The following ENTREP2 variants were observed in gnomAD, a reference collection of about 807,000 sequenced individuals.
The protein encoded by ENTREP2 is protein ENTREP2.
At chr15:29,217,797 T>C in the ENTREP2 span, among the ~76,000 whole-genome samples, 11 of 152,298 alleles carry the variant, frequency 7.2e-5, no homozygotes, top group African/African-American at 2.6e-4. Flanking sequence ...GTTGGTAAAC[T>C]AGTGTGATTT....
the ENTREP2 span, among the ~76,000 whole-genome samples, chr15:29,175,297 A>G: frequency 6.6e-6 from 1 of 152,234 alleles, no homozygotes; most frequent in Admixed American, 6.5e-5. Context: ...TTGTAAGGGT[A>G]AGATTAGTTT....
the ENTREP2 span, among the ~76,000 whole-genome samples, chr15:29,171,729 GC>G: frequency 3.3e-5 from 5 of 152,130 alleles, no homozygotes; most frequent in Admixed American, 2.6e-4. Context: ...TGATCCACGA[GC>G]TGTTTTCCTG....
At chr15:29,416,764 T>G in the ENTREP2 span, among the ~76,000 whole-genome samples, 1 of 152,164 alleles carries the variant, frequency 6.6e-6, no homozygotes, top group South Asian at 2.1e-4. Flanking sequence ...AAAGGGCTCA[T>G]ATCCAGAATC....
chr15:29,542,870 CAA>C, the ENTREP2 span, among the ~76,000 whole-genome samples: 1 of 152,200 alleles, frequency 6.6e-6, no homozygotes, highest in Admixed American at 6.5e-5. Context: ...ATAATATCTT[CAA>C]AGTCTATCCA....
the ENTREP2 span, among the ~76,000 whole-genome samples, chr15:29,329,089 G>A: frequency 2.8e-4 from 42 of 152,218 alleles, no homozygotes; most frequent in South Asian, 8.3e-4. Context: ...TAGGCTGGGC[G>A]CAGTGGCTCA....
At chr15:29,509,443 A>G in the ENTREP2 span, among the ~76,000 whole-genome samples, 4,976 of 152,298 alleles carry the variant, frequency 0.033, 260 homozygotes, top group African/African-American at 0.11. Context: ...CTGTATAGCC[A>G]AGACTATCCC....
chr15:29,649,727 CA>C, the ENTREP2 span, among the ~76,000 whole-genome samples: 2,612 of 66,970 alleles, frequency 0.039, 14 homozygotes, highest in Middle Eastern at 0.078. Flanking sequence ...TCAACAACAA[CA>C]AAAAAAAAAA....
chr15:29,159,287 C>G, the ENTREP2 span, among the ~76,000 whole-genome samples: 2 of 151,888 alleles, frequency 1.3e-5, no homozygotes, highest in African/African-American at 4.8e-5. Context: ...TCATTCCTCC[C>G]GATAGGTTCG....
chr15:29,634,144 C>T, the ENTREP2 span, among the ~76,000 whole-genome samples: 2 of 152,068 alleles, frequency 1.3e-5, no homozygotes, highest in Non-Finnish European at 2.9e-5. Flanking sequence ...CCTTCATGTG[C>T]ACCAGATGCC....
the ENTREP2 span, among the ~76,000 whole-genome samples, chr15:29,410,220 C>G: frequency 6.6e-6 from 1 of 152,214 alleles, no homozygotes; most frequent in Admixed American, 6.5e-5. Context: ...TTTCCTTTCT[C>G]TCTGAAACTT....
the ENTREP2 span, among the ~76,000 whole-genome samples, chr15:29,437,313 G>A: frequency 6.6e-6 from 1 of 152,106 alleles, no homozygotes; most frequent in Admixed American, 6.5e-5. Flanking sequence ...CAATATTGTT[G>A]CAACTAGCTA....
the ENTREP2 span, among the ~76,000 whole-genome samples, chr15:29,424,588 C>A: frequency 1.3e-5 from 2 of 152,150 alleles, no homozygotes; most frequent in Non-Finnish European, 2.9e-5. Context: ...GCTGTCTTGA[C>A]CTGTAGTGAC....
chr15:29,219,473 C>T, the ENTREP2 span, among the ~76,000 whole-genome samples: 1 of 151,350 alleles, frequency 6.6e-6, no homozygotes, highest in Non-Finnish European at 1.5e-5. Context: ...TACTGGTTAT[C>T]TATGCAGAGG....
At chr15:29,624,638 C>A in the ENTREP2 span, among the ~76,000 whole-genome samples, 1 of 152,150 alleles carries the variant, frequency 6.6e-6, no homozygotes, top group African/African-American at 2.4e-5. Context: ...AGGAGAAGAA[C>A]CAGCATCAGT....
At chr15:29,287,665 G>A in the ENTREP2 span, among the ~76,000 whole-genome samples, 1 of 152,176 alleles carries the variant, frequency 6.6e-6, no homozygotes, top group African/African-American at 2.4e-5. Flanking sequence ...ACATGCTACG[G>A]TAAAGATATC....
chr15:29,140,316 C>T, the ENTREP2 span, among the ~76,000 whole-genome samples: 4 of 152,322 alleles, frequency 2.6e-5, no homozygotes, highest in Admixed American at 6.5e-5. Context: ...GACGGGCAGA[C>T]GCCTCCTTGC....
the ENTREP2 span, among the ~76,000 whole-genome samples, chr15:29,154,688 G>C: frequency 2.0e-5 from 3 of 152,336 alleles, no homozygotes; most frequent in Middle Eastern, 3.4e-3. Context: ...CGTGTGCTAG[G>C]ATGTGGGCAC....
At chr15:29,187,625 G>A in the ENTREP2 span, among the ~76,000 whole-genome samples, 74 of 152,290 alleles carry the variant, frequency 4.9e-4, no homozygotes, top group African/African-American at 1.7e-3. Flanking sequence ...GGAGGGCAGA[G>A]TCAGTGTCTC....
chr15:29,288,601 T>G, the ENTREP2 span, among the ~76,000 whole-genome samples: 2 of 152,230 alleles, frequency 1.3e-5, no homozygotes, highest in Non-Finnish European at 2.9e-5. Flanking sequence ...GAAGCACATA[T>G]GCTCACCACT....
Sources: gnomAD v4.1 joint callset for allele counts (sites outside exome capture counted in the v4.1 genomes callset) on GRCh38, gnomAD v4.1.1 for gene constraint, MANE v1.5 for transcripts, NCBI Gene and HGNC (gene_info 2026-07-23, HGNC 2026-07-21) for gene names.